The following AGPAT3 variants were observed in gnomAD, a reference collection of about 807,000 sequenced individuals.
AGPAT3 encodes 1-acyl-sn-glycerol-3-phosphate acyltransferase gamma.
AGPAT3 carries 5 observed loss-of-function variants against 47.3 expected under a neutral mutation model. The ratio of observed to expected loss-of-function variants is 0.11; its 90% confidence interval spans 0.06 to 0.22. The LOEUF is 0.22. AGPAT3 is among the 10% of genes least tolerant of loss of function. The pLI is 1.00. For missense variants in AGPAT3, 315 were observed against 493.0 expected (o/e 0.64, Z 3.42); for synonymous variants, 212 against 208.3 (o/e 1.02, Z -0.15).
At chr21:43,957,888 G>T (rs1569090520) in intron 2 of AGPAT3, among the ~76,000 whole-genome samples, 1 of 152,218 alleles carries the variant, frequency 6.6e-6, no homozygotes, top group Non-Finnish European at 1.5e-5. Context: ...AGTGGAGGGG[G>T]GCCACCGGCT....
intron 8 of AGPAT3, 128 bp from the exon 9 acceptor site, chr21:43,980,861 G>A: frequency 1.2e-6 from 1 of 869,356 alleles, no homozygotes; most frequent in Non-Finnish European, 1.8e-6. Context: ...TCTGTGATTT[G>A]TGCTCTTAAT....
At chr21:43,969,026 A>G (rs2146754030) in intron 4 of AGPAT3, 92 bp from the exon 5 acceptor site, 1 of 1,394,394 alleles carries the variant, frequency 7.2e-7, no homozygotes, top group South Asian at 1.3e-5. Flanking sequence ...GAGCGACACC[A>G]CACAGGAGCT....
intron 2 of AGPAT3, among the ~76,000 whole-genome samples, chr21:43,925,633 C>T (rs1289701270): frequency 1.3e-5 from 2 of 152,248 alleles, no homozygotes; most frequent in African/African-American, 2.4e-5. Flanking sequence ...TCAGCCCCAG[C>T]CCCAGCGCCT....
intron 2 of AGPAT3, among the ~76,000 whole-genome samples, chr21:43,915,101 C>A (rs996035251): frequency 6.6e-6 from 1 of 152,006 alleles, no homozygotes. Flanking sequence ...CTCTGTCACC[C>A]AGGCTGGAGT....
intron 1 of AGPAT3, among the ~76,000 whole-genome samples, chr21:43,872,223 C>G (rs2085638418): frequency 6.6e-6 from 1 of 151,620 alleles, no homozygotes; most frequent in Non-Finnish European, 1.5e-5. Flanking sequence ...CTCTGTCACC[C>G]AGGCTGGAGT....
At chr21:43,917,874 G>A (rs2086774780) in intron 2 of AGPAT3, among the ~76,000 whole-genome samples, 1 of 126,516 alleles carries the variant, frequency 7.9e-6, no homozygotes, top group East Asian at 2.4e-4. Flanking sequence ...TGAGTGTTGT[G>A]GGGGTTGTGG....
Position 43,896,201 on chromosome 21 carries a change from G to A in AGPAT3, c.-111-7756G>A, listed in dbSNP as rs73226928. Among the ~76,000 whole-genome samples the A allele has an allele frequency of 4.4e-3, 672 of 152,362 alleles. 4 individuals carry two copies. Among genetic ancestry groups the A allele is most frequent in the Non-Finnish European group, 7.3e-3 (500 of 68,038 alleles). ...TTACAGGGGTGAGCCACCACGCCTG[G>A]CCGTGATAACTGTTTTTAACTTCTG... On this transcript the variant is annotated intron_variant, in intron 1 of 9. Coordinates refer to ENST00000291572, the MANE Select transcript of AGPAT3 (RefSeq NM_020132.5).
intron 2 of AGPAT3, among the ~76,000 whole-genome samples, chr21:43,918,174 T>C (rs1895353488): frequency 6.9e-6 from 1 of 145,460 alleles, no homozygotes; most frequent in Non-Finnish European, 1.5e-5. Flanking sequence ...TTGTGGGTGT[T>C]GTGGGAGTTG....
At chr21:43,942,903 A>T (rs2087712823) in intron 2 of AGPAT3, among the ~76,000 whole-genome samples, 1 of 152,128 alleles carries the variant, frequency 6.6e-6, no homozygotes, top group Non-Finnish European at 1.5e-5. Context: ...TTGTATACAG[A>T]GAAAAAGCCG....
At chr21:43,917,897 TTGCGGGTGTTGTGGGTGTTGTAGGGGG>T (rs1288544389) in intron 2 of AGPAT3, among the ~76,000 whole-genome samples, 3 of 80,724 alleles carry the variant, frequency 3.7e-5, no homozygotes, top group African/African-American at 1.6e-4. Context: ...GTTGTAGGGG[TTGCGGGTGTTGTGGGTGTTGTAGGGGG>T]TGTGGGTGTT....
At chr21:43,913,786 A>G (rs1352260568) in intron 2 of AGPAT3, among the ~76,000 whole-genome samples, 25 of 152,202 alleles carry the variant, frequency 1.6e-4, no homozygotes, top group Non-Finnish European at 3.2e-4. Context: ...CGCAGGGCAC[A>G]GCCGGCCCTG....
intron 1 of AGPAT3, among the ~76,000 whole-genome samples, chr21:43,885,230 T>TGGGCCA (rs2085947015): frequency 6.6e-6 from 1 of 152,250 alleles, no homozygotes; most frequent in Admixed American, 6.5e-5. Context: ...GGCCTGGGCC[T>TGGGCCA]GGGCCAGACG....
At chr21:43,978,269 T>C in intron 8 of AGPAT3, 148 bp downstream of exon 8, 1 of 588,464 alleles carries the variant, frequency 1.7e-6, no homozygotes. Flanking sequence ...TTCTTTCATT[T>C]CTTCTTTCTG....
At chr21:43,906,184 C>G (rs1235202794) in intron 2 of AGPAT3, among the ~76,000 whole-genome samples, 1 of 152,092 alleles carries the variant, frequency 6.6e-6, no homozygotes, top group Non-Finnish European at 1.5e-5. Context: ...CAGAACAACC[C>G]AAATCCGATT....
chr21:43,975,999 T>A (rs2089607652), intron 7 of AGPAT3, among the ~76,000 whole-genome samples: 1 of 151,396 alleles, frequency 6.6e-6, no homozygotes, highest in Non-Finnish European at 1.5e-5. Context: ...TTTTTTTTTT[T>A]AAGAGAAAAC....
intron 3 of AGPAT3, among the ~76,000 whole-genome samples, chr21:43,961,337 C>T (rs1601430990): frequency 1.3e-5 from 2 of 151,216 alleles, no homozygotes; most frequent in Admixed American, 6.6e-5. Flanking sequence ...CACTTTGTCT[C>T]GTGGGAAACG....
At chr21:43,947,463 A>G (rs2087949620) in intron 2 of AGPAT3, among the ~76,000 whole-genome samples, 1 of 152,190 alleles carries the variant, frequency 6.6e-6, no homozygotes, top group Admixed American at 6.5e-5. Context: ...CGCCCCCGGC[A>G]TCTCCAGCGA....
chr21:43,906,137 T>C (rs1346383932), intron 2 of AGPAT3, among the ~76,000 whole-genome samples: 1 of 152,144 alleles, frequency 6.6e-6, no homozygotes. Flanking sequence ...GAAGGGCAGG[T>C]TGGAAACATT....
In AGPAT3 at chr21:43,970,301, C is replaced by T. The variant is rs564898202; in HGVS notation, c.511-352C>T. 7.9e-5 allele frequency among the ~76,000 whole-genome samples: 12 copies of T among 152,326 alleles called. No homozygotes were observed. The highest frequency in any genetic ancestry group is 5.2e-4 in the Admixed American group (8 of 15,310). Reference sequence around the variant, plus strand: ...GATTACAGGGGTGAGCCACCACGCCCGGCCTGCTGTTAACATTTCTAACTC... The same window carrying T: ...GATTACAGGGGTGAGCCACCACGCCTGGCCTGCTGTTAACATTTCTAACTC... On this transcript the variant is annotated intron_variant, in intron 5 of 9. Coordinates refer to ENST00000291572, the MANE Select transcript of AGPAT3 (RefSeq NM_020132.5). The surrounding 1 kb of genome is among the most constrained non-coding windows in gnomAD (Gnocchi z 5.8).
Sources: allele counts gnomAD v4.1 joint callset (sites outside exome capture counted in the v4.1 genomes callset), GRCh38; gene constraint gnomAD v4.1.1; non-coding constraint Gnocchi (gnomAD v3.1); transcripts MANE v1.5; gene names NCBI Gene and HGNC (gene_info 2026-07-23, HGNC 2026-07-21).